Variants in RNF123 observed in about 807,000 individuals in gnomAD.
RNF123 encodes ring finger protein 123, also known as E3 ubiquitin-protein ligase RNF123.
A neutral mutation model predicts 168.5 loss-of-function variants in RNF123; 86 were observed. That is an observed-to-expected ratio of 0.51 (90% CI 0.43 to 0.61). RNF123 has a LOEUF of 0.61. Ranked by LOEUF, RNF123 falls within the 20% of genes least tolerant of loss-of-function variation. RNF123 has a pLI of 0.00. For synonymous variants in RNF123, 666 were observed against 689.1 expected (o/e 0.97, Z 0.52); for missense variants, 1,419 against 1,729.7 (o/e 0.82, Z 3.19).
chr3:49,719,074 C>G, intron 35 of RNF123: 1 of 1,613,822 alleles, frequency 6.2e-7, no homozygotes, highest in East Asian at 2.2e-5. Flanking sequence ...CGCCCCCAGC[C>G]CGTCGAGGTC....
intron 15 of RNF123, 147 bp downstream of exon 15, chr3:49,700,856 G>C: frequency 1.2e-6 from 1 of 827,498 alleles, no homozygotes; most frequent in Non-Finnish European, 2.0e-6. Flanking sequence ...TCTCTACAGA[G>C]CAAGGACGAG....
At chr3:49,693,920 C>T (rs761286449) in intron 3 of RNF123, among the ~76,000 whole-genome samples, 10 of 152,146 alleles carry the variant, frequency 6.6e-5, no homozygotes, top group Non-Finnish European at 1.3e-4. Context: ...AATGTCTGTT[C>T]GTATCTTTTG....
Position 49,697,210 on chromosome 3 carries a change from G to C in RNF123, c.235G>C (p.Glu79Gln), listed in dbSNP as rs760903631. 3 of 1,614,112 alleles carry C rather than the reference G, an allele frequency of 1.9e-6. No individual in the cohort carries two copies. Among genetic ancestry groups the C allele is most frequent in the Non-Finnish European group, 2.5e-6 (3 of 1,179,978 alleles). ...GTTGCTACAGGTGGACAATGAGGAG[G>C]AGGAAAGCCAGGGTATGTGGCCACC... ...DQLLQVDNEE[E>Q]ESQGQVEGRL... The change falls in exon 4 of 39, where the codon GAG (glutamate) becomes CAG (glutamine). Residue 79 changes from glutamate to glutamine, a missense_variant. Physicochemically the swap from Glu to Gln is conservative, Grantham distance 29 (BLOSUM62 2). Transcript: ENST00000327697.
At chr3:49,713,392 G>A in intron 27 of RNF123, 121 bp from the exon 28 acceptor site, 2 of 904,408 alleles carry the variant, frequency 2.2e-6, no homozygotes, top group Non-Finnish European at 3.5e-6. Flanking sequence ...GCCACCCTGG[G>A]TCCAGGCTGG....
chr3:49,703,795 C>T (rs1354182830), intron 21 of RNF123, among the ~76,000 whole-genome samples: 1 of 152,170 alleles, frequency 6.6e-6, no homozygotes, highest in Non-Finnish European at 1.5e-5. Flanking sequence ...GCAGGTGCTG[C>T]CGGAGCTGCC....
rs776934377 is a variant in RNF123 at position 49,699,504 on chromosome 3, A to G, written c.801A>G (p.Pro267=). Residue 267 remains proline (P), a synonymous_variant, in exon 11 of 39, where the codon CCA becomes CCG. Coordinates refer to ENST00000327697, the MANE Select transcript of RNF123 (RefSeq NM_022064.5). This position sits in a 1 kb window ranked among gnomAD's most constrained non-coding sequence, Gnocchi z 4.8. Reference sequence around the variant, plus strand: ...CAGGCTACCGGCCCCTGCAGGACCCACCGAGTGCTGACCTGGTGCGGGCAC... The same window carrying G: ...CAGGCTACCGGCCCCTGCAGGACCCGCCGAGTGCTGACCTGGTGCGGGCAC... The part of the protein sequence containing the change: ...PVAGYRPLQD[P]PSADLVRAQR... The G allele has an allele frequency of 3.7e-6, 6 of 1,610,778 alleles. No homozygotes were observed. The highest frequency in any genetic ancestry group is 1.3e-5 in the African/African-American group (1 of 74,788).
chr3:49,700,380 C>T (rs201104028), intron 13 of RNF123, 28 bp downstream of exon 13: 2 of 1,613,464 alleles, frequency 1.2e-6, no homozygotes, highest in African/African-American at 2.7e-5. Flanking sequence ...AGGCCTCAGG[C>T]CTGGCTGTCA....
At chr3:49,719,552 G>T (rs868348253) in intron 35 of RNF123, 7 of 1,199,286 alleles carry the variant, frequency 5.8e-6, no homozygotes, top group Middle Eastern at 2.9e-4. Context: ...TGCGACATGG[G>T]TGGCACCGGA....
At chr3:49,695,705 G>A (rs570957290) in intron 3 of RNF123, among the ~76,000 whole-genome samples, 1 of 152,302 alleles carries the variant, frequency 6.6e-6, no homozygotes, top group South Asian at 2.1e-4. Flanking sequence ...GGATGAGTGG[G>A]GTAAGAACTG....
chr3:49,716,567 C>A, intron 35 of RNF123, 90 bp downstream of exon 35: 1 of 1,142,850 alleles, frequency 8.8e-7, no homozygotes, highest in Non-Finnish European at 1.3e-6. Context: ...TCAGTTTCCT[C>A]ATCTGGAAAA....
rs370460760 is a variant in RNF123 at position 49,702,080 on chromosome 3, C to G, written c.1496-3C>G. ...AGGGCCATGTTCCTCACCTGACCTC[C>G]AGTGGTGGAAGAACTACAGGTCCAG... On this transcript the variant is annotated splice_polypyrimidine_tract_variant and splice_region_variant and intron_variant, in intron 17 of 38. Transcript: ENST00000327697. 6.8e-6 allele frequency: 11 copies of G among 1,613,718 alleles called. No individual in the cohort carries two copies. Among genetic ancestry groups the G allele is most frequent in the Admixed American group, 1.7e-5 (1 of 59,968 alleles).
Position 49,715,807 on chromosome 3 carries a change from G to T in RNF123, c.3151-15G>T. On this transcript the variant is annotated splice_polypyrimidine_tract_variant and intron_variant, in intron 32 of 38. Transcript: ENST00000327697. ...CAGGTGCTGACCACTGCATGCCCAC[G>T]TGTTGGTGGCTCAGATCCAGCAGGC... 1.9e-6 allele frequency: 3 copies of T among 1,613,956 alleles called. No homozygotes were observed. Among genetic ancestry groups the T allele is most frequent in the South Asian group, 2.2e-5 (2 of 91,078 alleles).
At chr3:49,719,583 C>G (rs946603135) in intron 35 of RNF123, 3 of 917,862 alleles carry the variant, frequency 3.3e-6, no homozygotes, top group East Asian at 5.4e-5. Context: ...CGAGGAGGCA[C>G]GGCGGGTTCT....
At chr3:49,693,347 C>CG (rs2054206201) in intron 3 of RNF123, among the ~76,000 whole-genome samples, 1 of 34,124 alleles carries the variant, frequency 2.9e-5, no homozygotes, top group Non-Finnish European at 5.0e-5. Context: ...TGTGCCTGGC[C>CG]TTTTTTTTTT....
At chr3:49,719,211 G>C in intron 35 of RNF123, 1 of 1,613,248 alleles carries the variant, frequency 6.2e-7, no homozygotes, top group Middle Eastern at 1.7e-4. Context: ...CGCGCAGCTG[G>C]AAGAGGGGCG....
chr3:49,699,018 C>T lies in RNF123; in HGVS notation c.677C>T (p.Ser226Phe), dbSNP rs1301450116. 6.2e-7 allele frequency: 1 copy of T among 1,614,016 alleles called. No homozygotes were observed. Among genetic ancestry groups the T allele is most frequent in the Non-Finnish European group, 8.5e-7 (1 of 1,180,036 alleles). ...CTGGGCACTGCCTTTGAGAACCTGT[C>T]CAGGGGCCTGGGTATGGCCTACTTC... ...VSLGTAFENL[S>F]RGLGMAYFPA... Residue 226 changes from serine to phenylalanine, a missense_variant, in exon 10 of 39, where the codon TCC (serine) becomes TTC (phenylalanine). Around this residue, in one of 5 missense-constraint regions of RNF123, gnomAD observed 318 missense variants for 446.6 expected, o/e 0.71. Transcript: ENST00000327697. The surrounding 1 kb of genome is among the most constrained non-coding windows in gnomAD (Gnocchi z 4.8).
rs1352666958 is a variant in RNF123, at chr3:49,700,500, A to G, written c.1139A>G (p.Gln380Arg). 6.2e-7 allele frequency: 1 copy of G among 1,614,166 alleles called. No homozygotes were observed. The highest frequency in any genetic ancestry group is 1.7e-5 in the Admixed American group (1 of 60,032). ...TACGAGGTACAAGATTGCCTCAAGCAGTTGATGATGTCTCTGCTTCGGCTG... is the reference window on the plus strand; with the variant it reads ...TACGAGGTACAAGATTGCCTCAAGCGGTTGATGATGTCTCTGCTTCGGCTG... Reference protein sequence around the residue: ...EDYEVQDCLKQLMMSLLRLYR... With the variant: ...EDYEVQDCLKRLMMSLLRLYR... The change falls in exon 14 of 39, where the codon CAG (glutamine) becomes CGG (arginine). Residue 380 changes from glutamine (Q) to arginine (R), a missense_variant. Physicochemically the swap from Gln to Arg is conservative, Grantham distance 43. Around this residue, in one of 5 missense-constraint regions of RNF123, gnomAD observed 349 missense variants for 344.9 expected, o/e 1.01. Coordinates refer to ENST00000327697, the MANE Select transcript of RNF123 (RefSeq NM_022064.5).
chr3:49,690,305 C>T (rs1329996909), intron 1 of RNF123, among the ~76,000 whole-genome samples: 1 of 152,218 alleles, frequency 6.6e-6, no homozygotes, highest in Non-Finnish European at 1.5e-5. Flanking sequence ...GGTCATTGAA[C>T]TCTTGAAATG....
intron 16 of RNF123, 48 bp from the exon 17 acceptor site, chr3:49,701,763 C>T (rs939040362): frequency 1.3e-6 from 2 of 1,532,242 alleles, no homozygotes; most frequent in African/African-American, 2.7e-5. Flanking sequence ...GGAGGCCTGG[C>T]TAGGTCCCAG....
Sources: allele counts gnomAD v4.1 joint callset (sites outside exome capture counted in the v4.1 genomes callset), GRCh38; gene constraint gnomAD v4.1.1; regional missense constraint gnomAD v4.1.1; non-coding constraint Gnocchi (gnomAD v3.1); transcripts MANE v1.5; gene names NCBI Gene and HGNC (gene_info 2026-07-23, HGNC 2026-07-21).